The following ANKS1B variants were observed in gnomAD, a reference collection of about 807,000 sequenced individuals.
The protein encoded by ANKS1B is ankyrin repeat and sterile alpha motif domain-containing protein 1B.
ANKS1B carries 36 observed loss-of-function variants against 148.3 expected under a neutral mutation model. The observed-to-expected ratio is 0.24, with a 90% CI of 0.19 to 0.32. ANKS1B has a LOEUF of 0.32. ANKS1B is among the 10% of genes least tolerant of loss of function. The probability of loss-of-function intolerance (pLI) is 1.00; values close to 1 mark genes in which losing one functional copy is unlikely to be tolerated. For synonymous variants in ANKS1B, 542 were observed against 560.8 expected, an observed-to-expected ratio of 0.97 and a Z score of 0.47; for missense variants, 1,157 against 1,542.6, an observed-to-expected ratio of 0.75 and a Z score of 4.19.
intron 17 of ANKS1B, chr12:98,976,316 T>G (rs890951855): frequency 2.6e-5 from 4 of 152,242 alleles, no homozygotes; most frequent in Non-Finnish European, 5.9e-5. Context: ...TTGGGAATGC[T>G]GAGTCAAGCC....
At chr12:99,087,897 C>T (rs2052507814) in intron 15 of ANKS1B, among the ~76,000 whole-genome samples, 1 of 150,654 alleles carries the variant, frequency 6.6e-6, no homozygotes, top group Non-Finnish European at 1.5e-5. Flanking sequence ...GATCACTGTT[C>T]TTCCTCTACA....
At chr12:99,847,284 T>A (rs1441478588) in intron 1 of ANKS1B, among the ~76,000 whole-genome samples, 2 of 152,046 alleles carry the variant, frequency 1.3e-5, no homozygotes. Context: ...AATCCTTCTG[T>A]CCTTCTGAGC....
At chr12:98,873,305 C>A (rs200790) in intron 17 of ANKS1B, among the ~76,000 whole-genome samples, 17 of 151,964 alleles carry the variant, frequency 1.1e-4, no homozygotes, top group Admixed American at 9.8e-4. Context: ...GAGGGACTTA[C>A]CTTTGTGGTC....
At chr12:99,298,398 A>T (rs1209392482) in intron 12 of ANKS1B, among the ~76,000 whole-genome samples, 1 of 152,158 alleles carries the variant, frequency 6.6e-6, no homozygotes, top group African/African-American at 2.4e-5. Context: ...GGAGTTCCCC[A>T]ACACATGTCC....
chr12:99,522,639 T>C (rs140229609), intron 9 of ANKS1B, among the ~76,000 whole-genome samples: 2 of 152,280 alleles, frequency 1.3e-5, no homozygotes, highest in East Asian at 3.9e-4. Context: ...AAAAGAGTTA[T>C]AAAAAATTCA....
intron 1 of ANKS1B, among the ~76,000 whole-genome samples, chr12:99,916,007 T>C (rs190178233): frequency 5.9e-4 from 90 of 152,126 alleles, no homozygotes; most frequent in African/African-American, 2.1e-3. Flanking sequence ...CACATTGGAT[T>C]AGGGGCACAA....
At chr12:99,835,079 A>G (rs1040333658) in intron 1 of ANKS1B, among the ~76,000 whole-genome samples, 6 of 152,100 alleles carry the variant, frequency 3.9e-5, no homozygotes. Flanking sequence ...AGTGTCCCAC[A>G]TGGGTCAAAT....
rs143657700 is a variant in ANKS1B, at chr12:99,117,700, G to A, written c.2527-32677C>T. Among the ~76,000 whole-genome samples, 1,055 of 152,224 alleles carry A rather than the reference G, an allele frequency of 6.9e-3. 13 individuals are homozygous for A. Among genetic ancestry groups the A allele is most frequent in the South Asian group, 0.045 (218 of 4,824 alleles). ...CTGCCAGATTTTGGTATCAGGATGA[G>A]GCTGGCCTCATAAAATGAGTTAGGG... On this transcript the variant is annotated intron_variant, in intron 15 of 26. Transcript: ENST00000683438.
At chr12:98,904,086 AAATT>A (rs2099775760) in intron 17 of ANKS1B, among the ~76,000 whole-genome samples, 2 of 151,838 alleles carry the variant, frequency 1.3e-5, no homozygotes, top group African/African-American at 4.8e-5. Flanking sequence ...TTAATAAATT[AAATT>A]AATAAAAATT....
Position 99,246,343 on chromosome 12 carries a change from A to G in ANKS1B, c.2278T>C (p.Ser760Pro). ...CCTTTAGAACTGTGTTCAGCAGTGG[A>G]AGATTCACTCCAGTTAACTCTTGAT... is the stretch of plus-strand genomic sequence containing the variant. The part of the protein sequence containing the change: ...KTSRVNWSES[S>P]TAEHSSKGNS... Residue 760 changes from serine (S) to proline (P), a missense_variant, in exon 13 of 27, where the codon TCC (serine) becomes CCC (proline). By Grantham distance (74) the Ser-to-Pro change is moderately conservative. This residue lies in a region of ANKS1B where 661 missense variants were observed against 642.1 expected (regional missense o/e 1.03). Transcript: ENST00000683438. The G allele has an allele frequency of 6.2e-7, 1 of 1,613,408 alleles. No individual in the cohort carries two copies. The highest frequency in any genetic ancestry group is 1.3e-5 in the African/African-American group (1 of 75,022).
intron 8 of ANKS1B, among the ~76,000 whole-genome samples, chr12:99,661,374 T>C (rs1318914161): frequency 6.6e-6 from 1 of 152,200 alleles, no homozygotes; most frequent in Non-Finnish European, 1.5e-5. Context: ...AGAAGGTATA[T>C]AAGCTCTGGA....
chr12:99,630,533 CACA>C (rs1297115313), intron 9 of ANKS1B, among the ~76,000 whole-genome samples: 1 of 152,084 alleles, frequency 6.6e-6, no homozygotes, highest in Non-Finnish European at 1.5e-5. Context: ...ACTGTGTCAC[CACA>C]ACAAGCTAAT....
chr12:98,996,951 C>G (rs1008648065), intron 17 of ANKS1B, among the ~76,000 whole-genome samples: 8 of 151,150 alleles, frequency 5.3e-5, no homozygotes, highest in African/African-American at 1.9e-4. Context: ...ATTTGTTTAC[C>G]TCTCACACTA....
intron 12 of ANKS1B, among the ~76,000 whole-genome samples, chr12:99,374,630 G>A (rs547770550): frequency 8.5e-5 from 13 of 152,294 alleles, no homozygotes; most frequent in African/African-American, 2.9e-4. Flanking sequence ...TTATTCAGAA[G>A]TTTGGTGATG....
At chr12:99,387,860 T>C (rs143945128) in intron 12 of ANKS1B, among the ~76,000 whole-genome samples, 1 of 118,842 alleles carries the variant, frequency 8.4e-6, no homozygotes, top group Admixed American at 8.0e-5. Flanking sequence ...ACAGTTCATG[T>C]AAGAATTGTA....
chr12:99,494,793 C>T (rs1368035083), intron 10 of ANKS1B, among the ~76,000 whole-genome samples: 1 of 145,834 alleles, frequency 6.9e-6, no homozygotes, highest in Admixed American at 6.8e-5. Flanking sequence ...AGACTGAATG[C>T]AGGGGTCAAA....
At chr12:99,027,512 G>A (rs1225450830) in intron 17 of ANKS1B, among the ~76,000 whole-genome samples, 2 of 152,200 alleles carry the variant, frequency 1.3e-5, no homozygotes, top group East Asian at 3.8e-4. Context: ...TTGATAAACA[G>A]TTTCATGGCT....
intron 14 of ANKS1B, among the ~76,000 whole-genome samples, chr12:99,208,843 T>G (rs557029933): frequency 6.6e-6 from 1 of 152,180 alleles, no homozygotes; most frequent in South Asian, 2.1e-4. Context: ...AGCTTTTTTT[T>G]AAACCTATCT....
At chr12:99,431,314 A>G (rs930966241) in intron 11 of ANKS1B, among the ~76,000 whole-genome samples, 4 of 151,646 alleles carry the variant, frequency 2.6e-5, no homozygotes, top group South Asian at 2.1e-4. Flanking sequence ...GTGTGTAGAT[A>G]CCACTCTGTA....
Sources: gnomAD v4.1 joint callset for allele counts (sites outside exome capture counted in the v4.1 genomes callset) on GRCh38, gnomAD v4.1.1 for gene constraint, gnomAD v4.1.1 regional missense constraint, MANE v1.5 for transcripts, NCBI Gene and HGNC (gene_info 2026-07-23, HGNC 2026-07-21) for gene names.